SLC3A1: variants seen among roughly 807,000 people sequenced by gnomAD.
SLC3A1 encodes the protein amino acid transporter heavy chain SLC3A1.
A neutral mutation model predicts 60.3 loss-of-function variants in SLC3A1; 78 were observed. That is an observed-to-expected ratio of 1.29 (90% CI 1.08 to 1.56). SLC3A1 has a LOEUF of 1.56. Among genes scored for constraint, SLC3A1 ranks in the 40% most tolerant of loss-of-function variants. SLC3A1 has a pLI of 0.00. For synonymous variants in SLC3A1, 392 were observed against 307.9 expected, an observed-to-expected ratio of 1.27 and a Z score of -2.86; for missense variants, 1,172 against 858.9, an observed-to-expected ratio of 1.36 and a Z score of -4.56.
chr2:44,299,637 A>G (rs938929528), intron 4 of SLC3A1, among the ~76,000 whole-genome samples: 1 of 152,190 alleles, frequency 6.6e-6, no homozygotes. Context: ...TTCCTAGTTT[A>G]TTCTGAGTCC....
intron 7 of SLC3A1, among the ~76,000 whole-genome samples, chr2:44,307,487 C>T (rs1424615902): frequency 6.6e-6 from 1 of 152,060 alleles, no homozygotes; most frequent in Non-Finnish European, 1.5e-5. Flanking sequence ...AATTTTTCCA[C>T]ATCTCATCAA....
chr2:44,302,834 G>A (rs17032095), intron 6 of SLC3A1, among the ~76,000 whole-genome samples: 8,253 of 152,256 alleles, frequency 0.054, 294 homozygotes, highest in South Asian at 0.16. Context: ...GGATGTCAAC[G>A]AGTTTTAGTG....
chr2:44,309,761 G>A (rs1324836821), intron 7 of SLC3A1, among the ~76,000 whole-genome samples: 1 of 151,610 alleles, frequency 6.6e-6, no homozygotes, highest in Non-Finnish European at 1.5e-5. Flanking sequence ...AACATGACTG[G>A]CTAATTTTTG....
Position 44,321,163 on chromosome 2 carries a change from G to A in SLC3A1, c.*524G>A, listed in dbSNP as rs781489487. On this transcript the variant is annotated 3_prime_UTR_variant, in exon 10 of 10. Coordinates refer to ENST00000260649, the MANE Select transcript of SLC3A1 (RefSeq NM_000341.4). ...GAAAATTACTTTCCTAGGTTAATGGGCATGTGCATCAATGGAGAGAATAGT... is the reference window on the plus strand; with the variant it reads ...GAAAATTACTTTCCTAGGTTAATGGACATGTGCATCAATGGAGAGAATAGT... The A allele has an allele frequency of 1.4e-5, 8 of 571,674 alleles. No homozygotes were observed. Among genetic ancestry groups the A allele is most frequent in the Non-Finnish European group, 2.2e-5 (7 of 317,056 alleles). 35.4% of individuals were successfully genotyped at this position (571,674 alleles called of 1,614,324 possible).
At chr2:44,306,835 G>C (rs1672170874) in intron 7 of SLC3A1, among the ~76,000 whole-genome samples, 5 of 152,026 alleles carry the variant, frequency 3.3e-5, no homozygotes, top group Admixed American at 2.6e-4. Context: ...GGGATTACAG[G>C]TGTGAGCCAC....
chr2:44,275,897 G>A lies in SLC3A1; in HGVS notation c.362G>A (p.Gly121Glu), dbSNP rs1266621109. 6.2e-7 allele frequency: 1 copy of A among 1,613,952 alleles called. No homozygotes were observed. Among genetic ancestry groups the A allele is most frequent in the Non-Finnish European group, 8.5e-7 (1 of 1,179,974 alleles). Reference protein sequence around the residue: ...SPKCLDWWQEGPMYQIYPRSF... With the variant: ...SPKCLDWWQEEPMYQIYPRSF... ...AAGTGCCTAGACTGGTGGCAGGAGG[G>A]GCCCATGTACCAGATCTACCCAAGG... Residue 121 changes from glycine to glutamate, a missense_variant, in exon 1 of 10, where the codon GGG (glycine) becomes GAG (glutamate). Physicochemically the swap from Gly to Glu is moderately conservative, Grantham distance 98. Transcript: ENST00000260649.
rs773038800 is a variant in SLC3A1 at position 44,300,013 on chromosome 2, A to G, written c.934A>G (p.Ser312Gly). Reference sequence around the variant, plus strand: ...GCTCACAAAGGGTGTTGATGGTTTTAGTTTGGATGCTGTTAAATTCCTCCT... The same window carrying G: ...GCTCACAAAGGGTGTTGATGGTTTTGGTTTGGATGCTGTTAAATTCCTCCT... ...FWLTKGVDGFSLDAVKFLLEA... is the reference protein window; with the variant it reads ...FWLTKGVDGFGLDAVKFLLEA... The change falls in exon 5 of 10, where the codon AGT becomes GGT. Residue 312 changes from serine to glycine, a missense_variant. Transcript: ENST00000260649. 6.2e-7 allele frequency: 1 copy of G among 1,614,002 alleles called. No homozygotes were observed. Among genetic ancestry groups the G allele is most frequent in the Non-Finnish European group, 8.5e-7 (1 of 1,179,864 alleles).
chr2:44,305,346 C>T (rs1672125540), intron 7 of SLC3A1, among the ~76,000 whole-genome samples: 1 of 151,888 alleles, frequency 6.6e-6, no homozygotes, highest in Non-Finnish European at 1.5e-5. Flanking sequence ...AGCCCTGCTG[C>T]TTCAAAGTCC....
chr2:44,314,047 C>T (rs765905896), intron 9 of SLC3A1, 96 bp downstream of exon 9: 71 of 1,583,536 alleles, frequency 4.5e-5, no homozygotes, highest in East Asian at 1.8e-4. Context: ...TAAACCTTAA[C>T]GGATACTCTT....
At position 44,315,457 on chromosome 2, in the gene SLC3A1, T is replaced by G. The variant is rs1672404933; in HGVS notation, c.1617+1506T>G. On this transcript the variant is annotated intron_variant, in intron 9 of 9. Coordinates refer to ENST00000260649, the MANE Select transcript of SLC3A1 (RefSeq NM_000341.4). ...TGAGCACAGGAGTTTGAGACCAGCC[T>G]AGGCAATATAGTGAGACCTTGTTTC... Among the ~76,000 whole-genome samples the G allele has an allele frequency of 1.3e-5, 2 of 148,666 alleles. 1 individual carries two copies. Among genetic ancestry groups the G allele is most frequent in the South Asian group, 4.3e-4 (2 of 4,698 alleles).
chr2:44,308,069 G>C (rs1672202072), intron 7 of SLC3A1, among the ~76,000 whole-genome samples: 1 of 152,150 alleles, frequency 6.6e-6, no homozygotes, highest in South Asian at 2.1e-4. Context: ...AGGAGTTCAA[G>C]TTTGCCTTGA....
At chr2:44,297,428 A>T (rs1049548515) in intron 4 of SLC3A1, among the ~76,000 whole-genome samples, 4 of 151,678 alleles carry the variant, frequency 2.6e-5, no homozygotes, top group African/African-American at 9.7e-5. Flanking sequence ...TCCCATTCCC[A>T]CCCTCCATTG....
chr2:44,300,112 T>C, intron 5 of SLC3A1, 22 bp downstream of exon 5: 1 of 1,612,964 alleles, frequency 6.2e-7, no homozygotes, highest in African/African-American at 1.3e-5. Context: ...TTTTAAACGT[T>C]TTTCTTTTGC....
At chr2:44,294,342 T>C (rs760631179) in intron 4 of SLC3A1, among the ~76,000 whole-genome samples, 1 of 151,798 alleles carries the variant, frequency 6.6e-6, no homozygotes, top group Non-Finnish European at 1.5e-5. Flanking sequence ...CCATCTCTAC[T>C]AAAAATACAA....
chr2:44,321,072 C>G lies in SLC3A1; in HGVS notation c.*433C>G, dbSNP rs992409024. The G allele has an allele frequency of 4.7e-6, 2 of 421,306 alleles. No individual in the cohort carries two copies. The highest frequency in any genetic ancestry group is 8.6e-6 in the Non-Finnish European group (2 of 232,152). The allele number at this position is 421,306 out of a possible 1,614,324, so 26.1% of individuals were successfully genotyped here. On this transcript the variant is annotated 3_prime_UTR_variant, in exon 10 of 10. Coordinates refer to ENST00000260649, the MANE Select transcript of SLC3A1 (RefSeq NM_000341.4). ...CAACTGTTCTGACTGGAAGGGAGGCCTGGAGCTCTGCTATCACCAATCCTT... is the reference window on the plus strand; with the variant it reads ...CAACTGTTCTGACTGGAAGGGAGGCGTGGAGCTCTGCTATCACCAATCCTT...
Position 44,275,756 on chromosome 2 carries a change from TC to T in SLC3A1, c.223del (p.Gln75SerfsTer31). 6.2e-7 allele frequency: 1 copy of T among 1,614,246 alleles called. No individual in the cohort carries two copies. Among genetic ancestry groups the T allele is most frequent in the Non-Finnish European group, 8.5e-7 (1 of 1,180,034 alleles). On this transcript the variant is annotated frameshift_variant, in exon 1 of 10. Transcript: ENST00000260649. LOFTEE classifies it high-confidence loss of function. ...GCGGGGATGCCCAAGGAGGTGCTGT[TC>T]CAGTTCTCTGGCCAGGCCCGCTACC... is the stretch of plus-strand genomic sequence containing the variant. ...PYAGMPKEVLFQFSGQARYRI... is the reference protein window; with the variant it reads ...PYAGMPKEVLXQFSGQARYRI...
chr2:44,321,701 G>T, downstream of SLC3A1: 1 of 1,579,392 alleles, frequency 6.3e-7, no homozygotes, highest in Non-Finnish European at 8.6e-7. Flanking sequence ...CCCCTCCTGG[G>T]TCTCACCCAT....
chr2:44,278,072 A>G (rs572798904), intron 1 of SLC3A1, among the ~76,000 whole-genome samples: 2 of 151,700 alleles, frequency 1.3e-5, no homozygotes, highest in Non-Finnish European at 2.9e-5. Flanking sequence ...TTAGATCAAA[A>G]CCCTCTTGCT....
chr2:44,321,143 T>C lies in SLC3A1; in HGVS notation c.*504T>C, dbSNP rs11124988. 428,394 of 529,950 alleles carry C rather than the reference T, an allele frequency of 0.81. 177,410 individuals carry two copies. Among genetic ancestry groups the C allele is most frequent in the African/African-American group, 0.91 (47,680 of 52,388 alleles). 32.8% of individuals were successfully genotyped at this position (529,950 alleles called of 1,614,324 possible). A position where few individuals can be genotyped will look rare whatever the true frequency, so the allele number is the denominator to read the frequency against. ...CCTTCTAAGGAGCATGATTTGAAAA[T>C]TACTTTCCTAGGTTAATGGGCATGT... On this transcript the variant is annotated 3_prime_UTR_variant, in exon 10 of 10. Coordinates refer to ENST00000260649, the MANE Select transcript of SLC3A1 (RefSeq NM_000341.4).
Sources: gnomAD v4.1 joint callset for allele counts (sites outside exome capture counted in the v4.1 genomes callset) on GRCh38, gnomAD v4.1.1 for gene constraint, MANE v1.5 for transcripts, NCBI Gene and HGNC (gene_info 2026-07-23, HGNC 2026-07-21) for gene names.